The following IQCM variants were observed in gnomAD, a reference collection of about 807,000 sequenced individuals.
IQCM encodes the protein IQ motif containing M, also known as IQ domain-containing protein M.
IQCM carries 45 observed loss-of-function variants against 57.6 expected under a neutral mutation model. The ratio of observed to expected loss-of-function variants is 0.78; its 90% CI spans 0.62 to 1.00. The LOEUF (loss-of-function observed/expected upper bound fraction) is 1.00, where lower values mean the gene tolerates loss of function less well. IQCM is among the 50% of genes least tolerant of loss of function. IQCM has a pLI of 0.00. For synonymous variants in IQCM, 148 were observed against 158.9 expected (o/e 0.93, Z 0.51); for missense variants, 468 against 511.6 (o/e 0.91, Z 0.82).
intron 12 of IQCM, among the ~76,000 whole-genome samples, chr4:149,489,154 A>G (rs1317171562): frequency 6.6e-6 from 1 of 152,094 alleles, no homozygotes; most frequent in East Asian, 1.9e-4. Context: ...TTCAACAAGC[A>G]AGGAGGTAAT....
intron 7 of IQCM, among the ~76,000 whole-genome samples, chr4:149,661,890 A>C (rs1464936926): frequency 2.0e-5 from 3 of 151,956 alleles, no homozygotes; most frequent in Non-Finnish European, 4.4e-5. Context: ...TTCTTAAAAA[A>C]GTTCTTTGTT....
intron 7 of IQCM, among the ~76,000 whole-genome samples, chr4:149,668,392 C>T (rs1760928002): frequency 6.6e-6 from 1 of 152,130 alleles, no homozygotes; most frequent in Non-Finnish European, 1.5e-5. Flanking sequence ...GATTTTGTCA[C>T]CACCAGGCCT....
At chr4:149,750,973 GT>G (rs1768383901) in intron 2 of IQCM, among the ~76,000 whole-genome samples, 1 of 152,046 alleles carries the variant, frequency 6.6e-6, no homozygotes. Context: ...TATATTTTCT[GT>G]TTTCTTTTTT....
chr4:149,784,703 C>A (rs1228505185), intron 2 of IQCM, among the ~76,000 whole-genome samples: 1 of 152,130 alleles, frequency 6.6e-6, no homozygotes, highest in Admixed American at 6.5e-5. Context: ...TGTGAGCCAC[C>A]GCGCCCGGCC....
chr4:149,474,975 A>G (rs1321073239), intron 12 of IQCM, among the ~76,000 whole-genome samples: 1 of 152,128 alleles, frequency 6.6e-6, no homozygotes, highest in African/African-American at 2.4e-5. Flanking sequence ...CAGATAATGC[A>G]AGGGTTTAAC....
intron 8 of IQCM, among the ~76,000 whole-genome samples, chr4:149,604,480 C>T (rs1754601724): frequency 6.6e-6 from 1 of 152,080 alleles, no homozygotes; most frequent in Admixed American, 6.6e-5. Flanking sequence ...ACTTTTAAAA[C>T]ATTTTACCTG....
At chr4:149,513,038 T>C (rs72726118) in intron 12 of IQCM, among the ~76,000 whole-genome samples, 8 of 152,314 alleles carry the variant, frequency 5.3e-5, no homozygotes, top group Non-Finnish European at 8.8e-5. Flanking sequence ...GAACTATTTG[T>C]AGCCCAAATT....
Position 149,735,395 on chromosome 4 carries a change from T to C in IQCM, c.101A>G (p.His34Arg). The change falls in exon 4 of 14, where the codon CAT becomes CGT. Residue 34 changes from histidine (H) to arginine (R), a missense_variant. Coordinates refer to ENST00000636793, the MANE Select transcript of IQCM (RefSeq NM_001363507.2). ...FQEAKTLIAQHYEKINENKVQ... is the reference protein window; with the variant it reads ...FQEAKTLIAQRYEKINENKVQ... Reference sequence around the variant, plus strand: ...ACTAACCTCATTTATTTTCTCATAATGTTGGGCAATGAGAGTTTTTGCTTC... The same window carrying C: ...ACTAACCTCATTTATTTTCTCATAACGTTGGGCAATGAGAGTTTTTGCTTC... 1 of 1,227,888 alleles carries C rather than the reference T, an allele frequency of 8.1e-7. No homozygotes were observed. The highest frequency in any genetic ancestry group is 1.0e-6 in the Non-Finnish European group (1 of 984,348). 76.1% of individuals were successfully genotyped at this position (1,227,888 alleles called of 1,614,324 possible).
At chr4:149,449,156 G>A (rs934979851) in intron 12 of IQCM, among the ~76,000 whole-genome samples, 1 of 149,342 alleles carries the variant, frequency 6.7e-6, no homozygotes, top group African/African-American at 2.5e-5. Context: ...GCAATAGAAG[G>A]CTCCACCAAC....
intron 13 of IQCM, among the ~76,000 whole-genome samples, chr4:149,355,568 T>C (rs1002051076): frequency 6.6e-6 from 1 of 152,166 alleles, no homozygotes; most frequent in African/African-American, 2.4e-5. Context: ...ACAAAGGACG[T>C]GAACTCATCA....
Position 149,742,606 on chromosome 4 carries a change from A to C in IQCM, c.37+49T>G, listed in dbSNP as rs981093666. 2.3e-5 allele frequency: 26 copies of C among 1,108,408 alleles called. 1 individual carries two copies. The South Asian group carries it at 1.1e-3, about 47-fold the overall frequency. 68.7% of individuals were successfully genotyped at this position (1,108,408 alleles called of 1,614,324 possible). The stretch of plus-strand genomic sequence containing the variant: ...ATTAATAGAAAAGAGTGGTTAAAAC[A>C]GTTGGAGTGTTATGACTTGTACTAT... On this transcript the variant is annotated intron_variant, in intron 3 of 13. Transcript: ENST00000636793.
chr4:149,415,398 T>A (rs1023990269), intron 13 of IQCM, among the ~76,000 whole-genome samples: 7 of 152,282 alleles, frequency 4.6e-5, no homozygotes, highest in Admixed American at 1.3e-4. Context: ...AAAGAAAGTA[T>A]CTATGTATTG....
chr4:149,625,376 C>T (rs561614459), intron 7 of IQCM, among the ~76,000 whole-genome samples: 35 of 152,208 alleles, frequency 2.3e-4, no homozygotes, highest in African/African-American at 7.2e-4. Flanking sequence ...AATATATTTC[C>T]CTCACCCATT....
At chr4:149,402,005 T>A (rs1367309089) in intron 13 of IQCM, among the ~76,000 whole-genome samples, 1 of 151,866 alleles carries the variant, frequency 6.6e-6, no homozygotes, top group African/African-American at 2.4e-5. Context: ...TACACGGATA[T>A]AAGTTGTAAT....
intron 12 of IQCM, among the ~76,000 whole-genome samples, chr4:149,482,407 C>G (rs1452570960): frequency 2.0e-5 from 3 of 151,928 alleles, no homozygotes; most frequent in African/African-American, 7.2e-5. Flanking sequence ...ATGATACTAG[C>G]TGTGAGTCTG....
At chr4:149,711,503 A>G (rs1764556774) in intron 5 of IQCM, among the ~76,000 whole-genome samples, 3 of 152,214 alleles carry the variant, frequency 2.0e-5, no homozygotes, top group Admixed American at 1.3e-4. Flanking sequence ...TTGATAATGC[A>G]TGGCTTAATA....
intron 9 of IQCM, among the ~76,000 whole-genome samples, chr4:149,569,506 A>G (rs1021341729): frequency 2.0e-5 from 3 of 152,186 alleles, no homozygotes; most frequent in Admixed American, 6.5e-5. Flanking sequence ...GTTTATTATT[A>G]CAGCAAATTT....
At chr4:149,761,666 T>G (rs1381876803) in intron 2 of IQCM, among the ~76,000 whole-genome samples, 1 of 152,116 alleles carries the variant, frequency 6.6e-6, no homozygotes, top group Admixed American at 6.6e-5. Context: ...GGATAATATT[T>G]CTGTCTGAAT....
chr4:149,493,392 T>C (rs1742302508), intron 12 of IQCM, among the ~76,000 whole-genome samples: 1 of 152,120 alleles, frequency 6.6e-6, no homozygotes, highest in Admixed American at 6.6e-5. Context: ...AATATTTTAA[T>C]CTGGACAACA....
Sources: gnomAD v4.1 joint callset for allele counts (sites outside exome capture counted in the v4.1 genomes callset) on GRCh38, gnomAD v4.1.1 for gene constraint, MANE v1.5 for transcripts, NCBI Gene and HGNC (gene_info 2026-07-23, HGNC 2026-07-21) for gene names.